KIAA1328: variants seen among roughly 807,000 people sequenced by gnomAD.
KIAA1328 encodes protein hinderin.
Under a neutral mutation model 68.1 loss-of-function variants are expected in KIAA1328, and 52 were observed. That is an observed-to-expected ratio of 0.76 (90% CI 0.61 to 0.96). The LOEUF is 0.96. Ranked by LOEUF, KIAA1328 falls within the 40% of genes least tolerant of loss-of-function variation. The pLI is 0.00. For missense variants in KIAA1328, 641 were observed against 677.6 expected, an observed-to-expected ratio of 0.95 and a Z score of 0.60; for synonymous variants, 232 against 239.4, an observed-to-expected ratio of 0.97 and a Z score of 0.28.
At chr18:37,175,758 TAAGAG>T (rs1004788708) in intron 9 of KIAA1328, among the ~76,000 whole-genome samples, 3 of 152,194 alleles carry the variant, frequency 2.0e-5, no homozygotes, top group Non-Finnish European at 4.4e-5. Flanking sequence ...ACTCTTAATG[TAAGAG>T]AAGAGCCTAT....
downstream of KIAA1328, chr18:37,231,758 T>G (rs990554350): frequency 1.3e-5 from 2 of 152,662 alleles, no homozygotes; most frequent in African/African-American, 4.8e-5. Context: ...GCCCGTGCCC[T>G]TCACCTGTTC....
intron 9 of KIAA1328, among the ~76,000 whole-genome samples, chr18:37,185,720 T>TACAC (rs34348149): frequency 0.017 from 2,583 of 149,564 alleles, 62 homozygotes; most frequent in African/African-American, 0.059. Context: ...TACTGATATA[T>TACAC]ACACACACAC....
At chr18:36,918,583 T>G (rs9951360) in intron 5 of KIAA1328, among the ~76,000 whole-genome samples, 3,526 of 152,024 alleles carry the variant, frequency 0.023, 135 homozygotes, top group African/African-American at 0.081. Flanking sequence ...TGGCTAACTG[T>G]TTTGTATTTT....
At chr18:37,060,191 C>A (rs993166756) in intron 6 of KIAA1328, among the ~76,000 whole-genome samples, 1 of 152,036 alleles carries the variant, frequency 6.6e-6, no homozygotes, top group Non-Finnish European at 1.5e-5. Context: ...TATGTGATGA[C>A]AGGCTGTTCT....
intron 7 of KIAA1328, among the ~76,000 whole-genome samples, chr18:37,141,355 G>A (rs992213401): frequency 4.6e-5 from 7 of 152,112 alleles, no homozygotes; most frequent in African/African-American, 9.7e-5. Context: ...TACAATATGC[G>A]TAAGTCTGAT....
chr18:37,225,277 T>C lies in KIAA1328; in HGVS notation c.*3050T>C, dbSNP rs1030430444. ...AGAGTGTATTTTGAATATGAGCAAA[T>C]GTTTATGTACGTATGAGATTTCAAG... On this transcript the variant is annotated 3_prime_UTR_variant, in exon 10 of 10. Coordinates refer to ENST00000280020, the MANE Select transcript of KIAA1328 (RefSeq NM_020776.3). 3.0e-6 allele frequency: 3 copies of C among 985,288 alleles called. No individual in the cohort carries two copies. Among genetic ancestry groups the C allele is most frequent in the Admixed American group, 1.2e-4 (2 of 16,262 alleles). 61.0% of individuals were successfully genotyped at this position (985,288 alleles called of 1,614,324 possible).
intron 7 of KIAA1328, among the ~76,000 whole-genome samples, chr18:37,090,184 A>G (rs1022398394): frequency 6.6e-6 from 1 of 152,194 alleles, no homozygotes; most frequent in Non-Finnish European, 1.5e-5. Context: ...TCACTTTCTC[A>G]TTATCTCATT....
At chr18:36,972,875 G>T (rs775254007) in intron 6 of KIAA1328, among the ~76,000 whole-genome samples, 6 of 152,152 alleles carry the variant, frequency 3.9e-5, no homozygotes, top group Non-Finnish European at 5.9e-5. Flanking sequence ...AACACACATT[G>T]AGCCTGAAAC....
chr18:37,156,615 T>C (rs1036676689), intron 7 of KIAA1328, among the ~76,000 whole-genome samples: 10 of 151,948 alleles, frequency 6.6e-5, no homozygotes, highest in Non-Finnish European at 2.9e-5. Flanking sequence ...TATAAGTGAA[T>C]GATTGATTAG....
At chr18:37,200,788 G>A (rs1027640902) in intron 9 of KIAA1328, among the ~76,000 whole-genome samples, 30 of 149,800 alleles carry the variant, frequency 2.0e-4, no homozygotes, top group African/African-American at 6.6e-4. Flanking sequence ...TCCGCAGTCC[G>A]GCCTGGGCGA....
At chr18:37,027,448 C>T (rs897895759) in intron 6 of KIAA1328, among the ~76,000 whole-genome samples, 5 of 152,284 alleles carry the variant, frequency 3.3e-5, no homozygotes, top group South Asian at 2.1e-4. Flanking sequence ...GGAAGCATCA[C>T]GCTACCTGAC....
At chr18:37,231,461 G>C (rs2060663569), downstream of KIAA1328, 1 of 152,330 alleles carries the variant, frequency 6.6e-6, no homozygotes, top group African/African-American at 2.4e-5. Context: ...TGAAAGTAGG[G>C]TGAGGAGGGT....
intron 7 of KIAA1328, among the ~76,000 whole-genome samples, chr18:37,119,462 G>A (rs981357462): frequency 6.6e-6 from 1 of 152,110 alleles, no homozygotes; most frequent in African/African-American, 2.4e-5. Flanking sequence ...GCATGGTTGG[G>A]TTCTGACTGG....
At chr18:37,044,529 G>T (rs922399660) in intron 6 of KIAA1328, among the ~76,000 whole-genome samples, 1 of 152,152 alleles carries the variant, frequency 6.6e-6, no homozygotes, top group Non-Finnish European at 1.5e-5. Context: ...CAGACATGGT[G>T]GCTCATGCCT....
chr18:37,222,318 C>T lies in KIAA1328; in HGVS notation c.*91C>T. On this transcript the variant is annotated 3_prime_UTR_variant, in exon 10 of 10. Transcript: ENST00000280020. ...ATTTCATTGCAAAGTAATTGTGTCT[C>T]TCCTTTCACGGGGACTTGTCTCACT... 4.6e-6 allele frequency: 7 copies of T among 1,514,266 alleles called. No homozygotes were observed. The highest frequency in any genetic ancestry group is 6.2e-6 in the Non-Finnish European group (7 of 1,131,910). The allele number at this position is 1,514,266 out of a possible 1,614,324, so 93.8% of individuals were successfully genotyped here.
At chr18:37,129,359 A>G (rs1005205949) in intron 7 of KIAA1328, among the ~76,000 whole-genome samples, 2 of 152,230 alleles carry the variant, frequency 1.3e-5, no homozygotes, top group African/African-American at 4.8e-5. Flanking sequence ...GAGTGACTGC[A>G]TAAATTACAG....
At position 37,163,497 on chromosome 18, in the gene KIAA1328, A is replaced by C. The variant is rs144802256; in HGVS notation, c.1414+3116A>C. Among the ~76,000 whole-genome samples the C allele has an allele frequency of 9.9e-5, 15 of 152,274 alleles. No homozygotes were observed. The East Asian group carries it at 2.9e-3, about 29-fold the overall frequency. ...TTTGTCTTTGGGGTTTTCTTAGGTT[A>C]TATGATTTTATATAGCAGCTGCCAC... On this transcript the variant is annotated intron_variant, in intron 8 of 9. Coordinates refer to ENST00000280020, the MANE Select transcript of KIAA1328 (RefSeq NM_020776.3).
At chr18:37,022,717 G>A (rs993616554) in intron 6 of KIAA1328, among the ~76,000 whole-genome samples, 4 of 152,118 alleles carry the variant, frequency 2.6e-5, no homozygotes, top group Admixed American at 6.5e-5. Flanking sequence ...TACTCCCATA[G>A]CTTCTGCAAT....
intron 6 of KIAA1328, among the ~76,000 whole-genome samples, chr18:37,025,105 G>C (rs1027989187): frequency 1.3e-5 from 2 of 152,094 alleles, no homozygotes; most frequent in Non-Finnish European, 2.9e-5. Flanking sequence ...TTGTGGTTTT[G>C]ATTGAATTTC....
Sources: allele counts gnomAD v4.1 joint callset (sites outside exome capture counted in the v4.1 genomes callset), GRCh38; gene constraint gnomAD v4.1.1; transcripts MANE v1.5; gene names NCBI Gene and HGNC (gene_info 2026-07-23, HGNC 2026-07-21).